ADAMTS2: variants seen among roughly 807,000 people sequenced by gnomAD.
ADAMTS2 encodes A disintegrin and metalloproteinase with thrombospondin motifs 2.
ADAMTS2 carries 50 observed loss-of-function variants against 123.0 expected under a neutral mutation model. The ratio of observed to expected loss-of-function variants is 0.41; its 90% CI spans 0.32 to 0.51. The LOEUF is 0.51. Ranked by LOEUF, ADAMTS2 falls within the 20% of genes least tolerant of loss-of-function variation. The pLI, the probability that ADAMTS2 is intolerant of heterozygous loss-of-function variation, is 0.35. For synonymous variants in ADAMTS2, 678 were observed against 695.4 expected (o/e 0.98, Z 0.39); for missense variants, 1,494 against 1,705.2 (o/e 0.88, Z 2.18).
At chr5:179,344,933 G>C (rs970011151) in intron 1 of ADAMTS2, among the ~76,000 whole-genome samples, 2 of 152,074 alleles carry the variant, frequency 1.3e-5, no homozygotes, top group African/African-American at 4.8e-5. Context: ...GGCTTTTCCC[G>C]GCCCTCCGTC....
chr5:179,198,469 G>A (rs1002208908), intron 4 of ADAMTS2, among the ~76,000 whole-genome samples: 1 of 152,182 alleles, frequency 6.6e-6, no homozygotes, highest in South Asian at 2.1e-4. Flanking sequence ...GCTAAGGGCC[G>A]CTGAGCCTCA....
intron 2 of ADAMTS2, among the ~76,000 whole-genome samples, chr5:179,337,072 C>A (rs1757632109): frequency 6.6e-6 from 1 of 152,190 alleles, no homozygotes; most frequent in South Asian, 2.1e-4. Context: ...TCGGTAATAA[C>A]TTCTCCATAT....
rs1156285063 is a variant in ADAMTS2 at position 179,245,697 on chromosome 5, C to T, written c.688+27214G>A. ...AGGAGAATGGCGTGAACCCGGGAGG[C>T]GGAGCTTGCAGTGAGCCGAGATCGC... On this transcript the variant is annotated intron_variant, in intron 3 of 21. Coordinates refer to ENST00000251582, the MANE Select transcript of ADAMTS2 (RefSeq NM_014244.5). 4.8e-3 allele frequency among the ~76,000 whole-genome samples: 580 copies of T among 120,788 alleles called. 2 individuals are homozygous for T. The highest frequency in any genetic ancestry group is 7.6e-3 in the Non-Finnish European group (473 of 61,964). The allele number at this position is 120,788 out of a possible 152,430, so 79.2% of individuals were successfully genotyped here.
At chr5:179,325,742 C>T (rs922452502) in intron 2 of ADAMTS2, among the ~76,000 whole-genome samples, 5 of 152,382 alleles carry the variant, frequency 3.3e-5, no homozygotes, top group African/African-American at 4.8e-5. Context: ...TGAAACCGTG[C>T]GGGAGGCCTG....
intron 12 of ADAMTS2, among the ~76,000 whole-genome samples, chr5:179,136,894 T>C (rs6861255): frequency 0.48 from 72,619 of 151,148 alleles, 17,505 homozygotes; most frequent in Admixed American, 0.5. Context: ...AGCTTGAACC[T>C]GGGAGGCAGA....
At chr5:179,274,555 C>T (rs1766642022) in intron 2 of ADAMTS2, among the ~76,000 whole-genome samples, 1 of 152,272 alleles carries the variant, frequency 6.6e-6, no homozygotes, top group African/African-American at 2.4e-5. Flanking sequence ...CCAAAGTAAC[C>T]TCATGATGGC....
intron 3 of ADAMTS2, among the ~76,000 whole-genome samples, chr5:179,210,967 C>G (rs1034601361): frequency 2.0e-5 from 3 of 152,340 alleles, no homozygotes; most frequent in African/African-American, 7.2e-5. Flanking sequence ...AGACCTGTTC[C>G]CCAAATAGAG....
At chr5:179,241,062 T>C in intron 3 of ADAMTS2, among the ~76,000 whole-genome samples, 1 of 152,116 alleles carries the variant, frequency 6.6e-6, no homozygotes, top group African/African-American at 2.4e-5. Context: ...CCCTAATAGA[T>C]GGGTTTAGCT....
At chr5:179,167,457 G>A (rs552971456) in intron 5 of ADAMTS2, among the ~76,000 whole-genome samples, 47 of 152,206 alleles carry the variant, frequency 3.1e-4, no homozygotes, top group African/African-American at 1.1e-3. Context: ...GTTGCTCTCC[G>A]ACATTTCCAT....
In ADAMTS2 at chr5:179,185,381, G is replaced by A. The variant is rs1258312379; in HGVS notation, c.892-4226C>T. 2.0e-5 allele frequency among the ~76,000 whole-genome samples: 3 copies of A among 152,136 alleles called. No homozygotes were observed. The highest frequency in any genetic ancestry group is 7.2e-5 in the African/African-American group (3 of 41,440). ...ATCTGCCCCGCCTGAGCAGGGAGAGGCTGGGGCTCTGGAAGGGCATTCCGG... is the reference window on the plus strand; with the variant it reads ...ATCTGCCCCGCCTGAGCAGGGAGAGACTGGGGCTCTGGAAGGGCATTCCGG... On this transcript the variant is annotated intron_variant, in intron 4 of 21. Coordinates refer to ENST00000251582, the MANE Select transcript of ADAMTS2 (RefSeq NM_014244.5). The surrounding 1 kb of genome is among the most constrained non-coding windows in gnomAD (Gnocchi z 5.9).
Position 179,307,827 on chromosome 5 carries a change from G to T in ADAMTS2, c.535-34763C>A, listed in dbSNP as rs148842300. Among the ~76,000 whole-genome samples the T allele has an allele frequency of 2.6e-5, 4 of 152,310 alleles. No individual in the cohort carries two copies. The highest frequency in any genetic ancestry group is 2.1e-4 in the South Asian group (1 of 4,820). ...CTCCTCACAAGGACCTTGGTGAAGG[G>T]TGTCCCTTCTCCATCACACTCCACA... On this transcript the variant is annotated intron_variant, in intron 2 of 21. Coordinates refer to ENST00000251582, the MANE Select transcript of ADAMTS2 (RefSeq NM_014244.5). This position sits in a 1 kb window ranked among gnomAD's most constrained non-coding sequence, Gnocchi z 5.6.
At chr5:179,236,120 C>T (rs897701399) in intron 3 of ADAMTS2, among the ~76,000 whole-genome samples, 1 of 152,234 alleles carries the variant, frequency 6.6e-6, no homozygotes, top group Non-Finnish European at 1.5e-5. Flanking sequence ...AGCCCTCTGC[C>T]ATGAGGTCAG....
chr5:179,210,485 C>T (rs556736448), intron 3 of ADAMTS2, among the ~76,000 whole-genome samples: 2 of 152,240 alleles, frequency 1.3e-5, no homozygotes, highest in African/African-American at 2.4e-5. Context: ...TTATTTTAAT[C>T]GTGATAATTT....
chr5:179,261,001 G>A (rs574597118), intron 3 of ADAMTS2, among the ~76,000 whole-genome samples: 4 of 152,248 alleles, frequency 2.6e-5, no homozygotes, highest in Middle Eastern at 3.4e-3. Context: ...TGGCTCCAAC[G>A]GGGCAGGAGA....
rs1262542472 is a variant in ADAMTS2 at position 179,340,226 on chromosome 5, G to T, written c.534+3541C>A. Among the ~76,000 whole-genome samples, 7 of 152,252 alleles carry T rather than the reference G, an allele frequency of 4.6e-5. No individual in the cohort carries two copies. The East Asian group carries it at 1.3e-3, about 29-fold the overall frequency. ...CATCTCCACCGCCCAGCCCATGGAG[G>T]CTTCATCCACTGCTGCCCAGCCTGG... On this transcript the variant is annotated intron_variant, in intron 2 of 21. Coordinates refer to ENST00000251582, the MANE Select transcript of ADAMTS2 (RefSeq NM_014244.5).
At chr5:179,137,719 C>CCAAGGGCCAGCCTG in intron 12 of ADAMTS2, 50 bp downstream of exon 12, 1 of 1,511,282 alleles carries the variant, frequency 6.6e-7, no homozygotes, top group Non-Finnish European at 8.9e-7. Context: ...CCCTGCCCAC[C>CCAAGGGCCAGCCTG]CTAGGGCCTG....
chr5:179,209,179 G>A (rs1409305692), intron 3 of ADAMTS2, among the ~76,000 whole-genome samples: 1 of 152,220 alleles, frequency 6.6e-6, no homozygotes, highest in African/African-American at 2.4e-5. Flanking sequence ...ACCCAGTGCT[G>A]ACAGCAGGCC....
chr5:179,292,814 C>T (rs906166345), intron 2 of ADAMTS2, among the ~76,000 whole-genome samples: 12 of 152,312 alleles, frequency 7.9e-5, no homozygotes, highest in Admixed American at 2.6e-4. Flanking sequence ...ACTGCCCAGA[C>T]GGCTTCCTGA....
At chr5:179,166,440 T>C (rs1394842953) in intron 5 of ADAMTS2, among the ~76,000 whole-genome samples, 4 of 152,164 alleles carry the variant, frequency 2.6e-5, no homozygotes, top group African/African-American at 4.8e-5. Context: ...AAGGTCACTT[T>C]GCTGAATGCT....
Sources: allele counts gnomAD v4.1 joint callset (sites outside exome capture counted in the v4.1 genomes callset), GRCh38; gene constraint gnomAD v4.1.1; non-coding constraint Gnocchi (gnomAD v3.1); transcripts MANE v1.5; gene names NCBI Gene and HGNC (gene_info 2026-07-23, HGNC 2026-07-21).